Variants in NCKAP5 observed in about 807,000 individuals in gnomAD.
NCKAP5 encodes nck-associated protein 5.
Under a neutral mutation model 167.0 loss-of-function variants are expected in NCKAP5, and 92 were observed. That is an observed-to-expected ratio of 0.55 (90% CI 0.47 to 0.66). The LOEUF is 0.66. Ranked by LOEUF, NCKAP5 falls within the 30% of genes least tolerant of loss-of-function variation. The probability of loss-of-function intolerance (pLI) is 0.00; values close to 1 mark genes in which losing one functional copy is unlikely to be tolerated. For missense variants in NCKAP5, 2,378 were observed against 2,315.0 expected, an observed-to-expected ratio of 1.03 and a Z score of -0.56; for synonymous variants, 891 against 877.4, an observed-to-expected ratio of 1.02 and a Z score of -0.27.
chr2:133,308,687 TTC>T (rs1326995306), intron 3 of NCKAP5, among the ~76,000 whole-genome samples: 27 of 136,230 alleles, frequency 2.0e-4, no homozygotes, highest in African/African-American at 7.4e-4. Flanking sequence ...AGAAATACAA[TTC>T]TTTTTTTTTT....
At chr2:133,519,876 C>A (rs568685888) in intron 2 of NCKAP5, among the ~76,000 whole-genome samples, 41 of 152,194 alleles carry the variant, frequency 2.7e-4, no homozygotes, top group African/African-American at 7.9e-4. Flanking sequence ...AAGGAAATAA[C>A]CTCCAGCAGG....
chr2:132,908,207 T>G (rs1694159233), intron 8 of NCKAP5, among the ~76,000 whole-genome samples: 1 of 152,194 alleles, frequency 6.6e-6, no homozygotes, highest in Non-Finnish European at 1.5e-5. Context: ...TTTTTATATT[T>G]ACACATCTAA....
At chr2:133,263,379 T>C (rs1310389425) in intron 4 of NCKAP5, among the ~76,000 whole-genome samples, 2 of 151,828 alleles carry the variant, frequency 1.3e-5, no homozygotes, top group African/African-American at 4.8e-5. Context: ...TGAACCTTCC[T>C]CATAACAGAC....
chr2:132,936,468 C>A (rs935853594), intron 8 of NCKAP5, among the ~76,000 whole-genome samples: 1 of 152,132 alleles, frequency 6.6e-6, no homozygotes, highest in Non-Finnish European at 1.5e-5. Context: ...CCAGACACAC[C>A]CCCATAATAA....
chr2:132,821,377 C>T (rs1299634088), intron 11 of NCKAP5, among the ~76,000 whole-genome samples: 3 of 151,532 alleles, frequency 2.0e-5, no homozygotes, highest in Non-Finnish European at 4.4e-5. Flanking sequence ...GCCTTGAACG[C>T]ACTCCCAGCT....
chr2:133,667,335 C>G, the NCKAP5 span, among the ~76,000 whole-genome samples: 1 of 151,990 alleles, frequency 6.6e-6, no homozygotes, highest in Non-Finnish European at 1.5e-5. Flanking sequence ...TCTCTTTCCT[C>G]TCATCCTTTA....
At chr2:133,368,440 G>C (rs565481656) in intron 3 of NCKAP5, among the ~76,000 whole-genome samples, 1 of 151,366 alleles carries the variant, frequency 6.6e-6, no homozygotes, top group African/African-American at 2.4e-5. Context: ...TGTATTTTTT[G>C]AATAATGAGA....
At position 132,860,654 on chromosome 2, in the gene NCKAP5, A is replaced by G. The variant is rs16842651; in HGVS notation, c.688-43T>C. The G allele has an allele frequency of 1.9e-3, 2,903 of 1,544,486 alleles. 41 individuals are homozygous for G. The African/African-American group carries it at 0.036, about 19-fold the overall frequency. On this transcript the variant is annotated intron_variant, in intron 10 of 19. Coordinates refer to ENST00000409261, the MANE Select transcript of NCKAP5 (RefSeq NM_207363.3). The stretch of plus-strand genomic sequence containing the variant: ...AAGGAGGAAAAAGTCCATAACTGAA[A>G]GATGTCTTTGCATATTATAACCATA...
At chr2:133,103,317 C>G (rs2149687187) in intron 6 of NCKAP5, among the ~76,000 whole-genome samples, 1 of 152,292 alleles carries the variant, frequency 6.6e-6, no homozygotes, top group Non-Finnish European at 1.5e-5. Flanking sequence ...TGAACATAGA[C>G]TGCCTGGGAT....
chr2:133,577,835 C>T, the NCKAP5 span, among the ~76,000 whole-genome samples: 2 of 152,160 alleles, frequency 1.3e-5, no homozygotes, highest in Non-Finnish European at 2.9e-5. Flanking sequence ...GTCCTCTTAA[C>T]CAGATGGAAA....
upstream of NCKAP5, among the ~76,000 whole-genome samples, chr2:133,571,360 G>C (rs1008386811): frequency 6.6e-6 from 1 of 152,000 alleles, no homozygotes; most frequent in African/African-American, 2.4e-5. Flanking sequence ...AACAAAAGAG[G>C]GTGGGGGTAG....
intron 8 of NCKAP5, among the ~76,000 whole-genome samples, chr2:132,895,102 C>T (rs113964485): frequency 4.5e-4 from 68 of 152,004 alleles, no homozygotes; most frequent in Non-Finnish European, 6.9e-4. Flanking sequence ...GAGGCCAAGG[C>T]GGGCGGATCA....
intron 3 of NCKAP5, among the ~76,000 whole-genome samples, chr2:133,487,614 A>G (rs1681025460): frequency 6.6e-6 from 1 of 152,146 alleles, no homozygotes; most frequent in African/African-American, 2.4e-5. Context: ...TGGGAGAAAC[A>G]CTGGATATAC....
chr2:132,683,766 T>C (rs2105061221), intron 19 of NCKAP5, among the ~76,000 whole-genome samples: 1 of 152,294 alleles, frequency 6.6e-6, no homozygotes, highest in African/African-American at 2.4e-5. Flanking sequence ...AAATTCAGAT[T>C]CCTAGCTACT....
intron 19 of NCKAP5, among the ~76,000 whole-genome samples, chr2:132,695,137 G>T (rs778325455): frequency 6.6e-6 from 1 of 152,058 alleles, no homozygotes; most frequent in South Asian, 2.1e-4. Context: ...CTCCCAAGGC[G>T]CCACCTCCAA....
intron 19 of NCKAP5, among the ~76,000 whole-genome samples, chr2:132,689,801 G>A (rs1394160089): frequency 6.6e-6 from 1 of 151,964 alleles, no homozygotes; most frequent in East Asian, 1.9e-4. Context: ...TTATACATGG[G>A]AAATATTTAT....
At chr2:133,597,673 C>CAAAAAAAA in the NCKAP5 span, among the ~76,000 whole-genome samples, 20 of 61,102 alleles carry the variant, frequency 3.3e-4, no homozygotes, top group African/African-American at 9.3e-4. Context: ...GACTCTGTCT[C>CAAAAAAAA]AAAAAAAAAA....
chr2:133,079,906 A>T (rs753055706), intron 6 of NCKAP5, among the ~76,000 whole-genome samples: 1 of 152,126 alleles, frequency 6.6e-6, no homozygotes, highest in Non-Finnish European at 1.5e-5. Context: ...GCTGTTCCCC[A>T]TTGTTGAAGA....
At chr2:133,000,593 T>G (rs1398248621) in intron 6 of NCKAP5, among the ~76,000 whole-genome samples, 2 of 152,260 alleles carry the variant, frequency 1.3e-5, no homozygotes, top group Non-Finnish European at 2.9e-5. Context: ...ATTCATTTAT[T>G]TGTATATAAC....
Sources: allele counts gnomAD v4.1 joint callset (sites outside exome capture counted in the v4.1 genomes callset), GRCh38; gene constraint gnomAD v4.1.1; transcripts MANE v1.5; gene names NCBI Gene and HGNC (gene_info 2026-07-23, HGNC 2026-07-21).